CEP63: variants seen among roughly 807,000 people sequenced by gnomAD.
CEP63 encodes the protein centrosomal protein of 63 kDa.
A neutral mutation model predicts 89.1 loss-of-function variants in CEP63; 84 were observed. That is an observed-to-expected ratio of 0.94 (90% CI 0.79 to 1.13). CEP63 has a LOEUF of 1.13. Ranked by LOEUF, CEP63 falls within the 50% of genes most tolerant of loss-of-function variation. The probability of loss-of-function intolerance (pLI) is 0.00; values close to 1 mark genes in which losing one functional copy is unlikely to be tolerated. For missense variants in CEP63, 838 were observed against 813.3 expected (o/e 1.03, Z -0.37); for synonymous variants, 267 against 272.5 (o/e 0.98, Z 0.20).
chr3:134,754,496 G>C, the CEP63 span, among the ~76,000 whole-genome samples: 1 of 152,162 alleles, frequency 6.6e-6, no homozygotes, highest in African/African-American at 2.4e-5. Context: ...AGGGGATGCT[G>C]TCTGGGCTTA....
chr3:134,520,244 T>C (rs1947153555), intron 3 of CEP63, among the ~76,000 whole-genome samples: 1 of 152,220 alleles, frequency 6.6e-6, no homozygotes, highest in Admixed American at 6.5e-5. Flanking sequence ...GAGTTAAAGG[T>C]TAATTTACAA....
At chr3:134,736,860 G>A in the CEP63 span, among the ~76,000 whole-genome samples, 2 of 152,278 alleles carry the variant, frequency 1.3e-5, no homozygotes, top group Non-Finnish European at 2.9e-5. Context: ...TAGTCAAGCT[G>A]ATTTTGAGGA....
At chr3:134,643,231 C>T in the CEP63 span, 6 of 1,345,336 alleles carry the variant, frequency 4.5e-6, no homozygotes, top group Non-Finnish European at 6.3e-6. Context: ...AGTCTGAGCT[C>T]CACATCCTGG....
intron 1 of CEP63, among the ~76,000 whole-genome samples, chr3:134,490,152 T>C (rs1937114992): frequency 6.6e-6 from 1 of 152,162 alleles, no homozygotes; most frequent in African/African-American, 2.4e-5. Context: ...CTAGGATTTA[T>C]GGTGGCCAGA....
At chr3:134,565,034 T>TG, downstream of CEP63, 2 of 912,274 alleles carry the variant, frequency 2.2e-6, no homozygotes, top group Non-Finnish European at 2.6e-6. Context: ...AGACTAAATC[T>TG]GAGTTAGTGT....
At chr3:134,524,620 C>G (rs1470885088) in intron 3 of CEP63, among the ~76,000 whole-genome samples, 1 of 152,138 alleles carries the variant, frequency 6.6e-6, no homozygotes, top group Non-Finnish European at 1.5e-5. Flanking sequence ...AAAGCCTTTT[C>G]TGCATCTATT....
chr3:134,591,003 G>A (rs757567956), downstream of CEP63, among the ~76,000 whole-genome samples: 12 of 152,144 alleles, frequency 7.9e-5, no homozygotes, highest in South Asian at 2.1e-4. Context: ...GAGCTTCCTG[G>A]TTCCAAGCAG....
intron 2 of CEP63, among the ~76,000 whole-genome samples, chr3:134,498,333 G>A (rs895697860): frequency 6.6e-5 from 10 of 151,566 alleles, no homozygotes; most frequent in African/African-American, 2.4e-4. Flanking sequence ...AAATGGGATT[G>A]CTTTTTTGAT....
chr3:134,634,186 C>G, the CEP63 span, among the ~76,000 whole-genome samples: 2 of 152,050 alleles, frequency 1.3e-5, no homozygotes, highest in Non-Finnish European at 1.5e-5. Context: ...GCAATTCTCT[C>G]AAAATTGATC....
downstream of CEP63, among the ~76,000 whole-genome samples, chr3:134,588,819 A>G (rs376929922): frequency 6.6e-6 from 1 of 152,308 alleles, no homozygotes; most frequent in South Asian, 2.1e-4. Context: ...ACCTCTGACT[A>G]GACTTATCAA....
At chr3:134,690,139 A>G in the CEP63 span, among the ~76,000 whole-genome samples, 1 of 152,216 alleles carries the variant, frequency 6.6e-6, no homozygotes, top group African/African-American at 2.4e-5. Context: ...CTTTGCTTGG[A>G]TAATTAGTAT....
intron 6 of CEP63, among the ~76,000 whole-genome samples, chr3:134,544,546 T>C (rs1952771785): frequency 6.6e-6 from 1 of 151,348 alleles, no homozygotes; most frequent in South Asian, 2.1e-4. Flanking sequence ...CCCATTTCTC[T>C]GAATTTAAAG....
the CEP63 span, chr3:134,625,098 G>A: frequency 1.2e-6 from 2 of 1,603,148 alleles, no homozygotes; most frequent in Non-Finnish European, 1.7e-6. Flanking sequence ...GCAGGTCCAG[G>A]GACATGGATT....
chr3:134,760,510 CCA>C, the CEP63 span, among the ~76,000 whole-genome samples: 7 of 152,130 alleles, frequency 4.6e-5, no homozygotes, highest in African/African-American at 1.7e-4. Context: ...TGTGGTGTAT[CCA>C]CAGACAGCAT....
At chr3:134,696,010 G>T in the CEP63 span, among the ~76,000 whole-genome samples, 4 of 152,164 alleles carry the variant, frequency 2.6e-5, no homozygotes, top group Admixed American at 6.5e-5. Flanking sequence ...TCACCACCCT[G>T]GTGTACTTCT....
At chr3:134,714,389 C>T in the CEP63 span, among the ~76,000 whole-genome samples, 1,238 of 152,220 alleles carry the variant, frequency 8.1e-3, 4 homozygotes, top group Admixed American at 0.014. Flanking sequence ...CCTCATGCAC[C>T]CATCACTCAG....
At chr3:134,559,033 A>G (rs771357537) in intron 13 of CEP63, 117 bp from the exon 14 acceptor site, 51 of 1,033,680 alleles carry the variant, frequency 4.9e-5, no homozygotes, top group Non-Finnish European at 7.1e-5. Flanking sequence ...TAGGTTGCTC[A>G]TTTTGTAAAT....
At chr3:134,650,693 A>T in the CEP63 span, 2 of 811,690 alleles carry the variant, frequency 2.5e-6, no homozygotes, top group Non-Finnish European at 3.7e-6. Context: ...AAGCGACGGC[A>T]GCCATGGGGG....
the CEP63 span, among the ~76,000 whole-genome samples, chr3:134,755,086 A>T: frequency 1.3e-5 from 2 of 152,190 alleles, no homozygotes; most frequent in Non-Finnish European, 2.9e-5. Flanking sequence ...TCATTAGGTC[A>T]TTCTGACTTC....
Sources: gnomAD v4.1 joint callset for allele counts (sites outside exome capture counted in the v4.1 genomes callset) on GRCh38, gnomAD v4.1.1 for gene constraint, MANE v1.5 for transcripts, NCBI Gene and HGNC (gene_info 2026-07-23, HGNC 2026-07-21) for gene names.